The following SCAPER variants were observed in gnomAD, a reference collection of about 807,000 sequenced individuals.
The protein encoded by SCAPER is S-phase cyclin A associated protein in the ER.
Under a neutral mutation model 182.2 loss-of-function variants are expected in SCAPER, and 98 were observed. That is an observed-to-expected ratio of 0.54 (90% CI 0.46 to 0.64). The LOEUF (loss-of-function observed/expected upper bound fraction) is 0.64. Ranked by LOEUF, SCAPER falls within the 30% of genes least tolerant of loss-of-function variation. SCAPER has a pLI of 0.00. For synonymous variants in SCAPER, 605 were observed against 564.6 expected, an observed-to-expected ratio of 1.07 and a Z score of -1.01; for missense variants, 1,432 against 1,690.0, an observed-to-expected ratio of 0.85 and a Z score of 2.68.
intron 5 of SCAPER, among the ~76,000 whole-genome samples, chr15:76,828,836 A>G (rs775588746): frequency 1.3e-5 from 2 of 152,212 alleles, no homozygotes; most frequent in Non-Finnish European, 2.9e-5. Context: ...GAGCTAAAGT[A>G]TAACAGGCAA....
intron 23 of SCAPER, among the ~76,000 whole-genome samples, chr15:76,552,678 A>C (rs991299303): frequency 6.6e-6 from 1 of 152,104 alleles, no homozygotes; most frequent in African/African-American, 2.4e-5. Flanking sequence ...TCCAGCCCAT[A>C]CGCAGTCTAG....
At position 76,622,581 on chromosome 15, in the gene SCAPER, C is replaced by T. The variant is rs190751179; in HGVS notation, c.2646-752G>A. On this transcript the variant is annotated intron_variant, in intron 21 of 31. Transcript: ENST00000563290. The stretch of plus-strand genomic sequence containing the variant: ...TTTTCAACCTAAGTATGCTCATTGC[C>T]ATCAGCCTAAATATTAAGATTTTTA... Among the ~76,000 whole-genome samples the T allele has an allele frequency of 2.0e-5, 3 of 152,122 alleles. No individual in the cohort carries two copies. The East Asian group carries it at 5.8e-4, about 29-fold the overall frequency.
At chr15:76,537,748 C>T (rs2044313581) in intron 23 of SCAPER, among the ~76,000 whole-genome samples, 1 of 152,126 alleles carries the variant, frequency 6.6e-6, no homozygotes, top group Admixed American at 6.6e-5. Flanking sequence ...AGCTTCTGCA[C>T]AGCAAAACAA....
chr15:76,389,959 C>G (rs935273915), intron 27 of SCAPER, among the ~76,000 whole-genome samples: 1 of 148,046 alleles, frequency 6.8e-6, no homozygotes, highest in Non-Finnish European at 1.5e-5. Context: ...AAAGAGGAAC[C>G]TTTTTTTTTT....
At chr15:76,905,171 G>A (rs888049252) in intron 1 of SCAPER, 128 bp downstream of exon 1, 1 of 157,898 alleles carries the variant, frequency 6.3e-6, no homozygotes, top group Non-Finnish European at 1.4e-5. Context: ...CCCAGGTGAG[G>A]GGAGGGGGTG....
intron 26 of SCAPER, among the ~76,000 whole-genome samples, chr15:76,420,720 G>A (rs980303593): frequency 6.6e-6 from 1 of 152,046 alleles, no homozygotes; most frequent in Admixed American, 6.6e-5. Flanking sequence ...TGCTGCACCC[G>A]TTAACTCACC....
intron 25 of SCAPER, among the ~76,000 whole-genome samples, chr15:76,465,851 C>G (rs1338166460): frequency 2.0e-5 from 3 of 152,060 alleles, no homozygotes; most frequent in Non-Finnish European, 4.4e-5. Context: ...GTATTCCTGG[C>G]AATCTTGTCA....
intron 1 of SCAPER, among the ~76,000 whole-genome samples, chr15:76,903,040 G>A (rs1229103227): frequency 1.4e-5 from 2 of 142,976 alleles, no homozygotes; most frequent in Non-Finnish European, 3.0e-5. Context: ...CAGCCTGGGT[G>A]ACAGAGTGAG....
chr15:76,864,941 C>T (rs1390154122), intron 2 of SCAPER, among the ~76,000 whole-genome samples: 1 of 152,006 alleles, frequency 6.6e-6, no homozygotes, highest in African/African-American at 2.4e-5. Context: ...TTTCCTGAAG[C>T]ATTTGAGAAC....
chr15:76,525,257 A>AT (rs1235428399), intron 23 of SCAPER, among the ~76,000 whole-genome samples: 1 of 152,104 alleles, frequency 6.6e-6, no homozygotes, highest in Non-Finnish European at 1.5e-5. Flanking sequence ...TCCTAAACTC[A>AT]TATCTATCAT....
chr15:76,693,994 G>A (rs572991168), intron 20 of SCAPER, among the ~76,000 whole-genome samples: 1 of 151,918 alleles, frequency 6.6e-6, no homozygotes, highest in East Asian at 1.9e-4. Context: ...GGTAACTATC[G>A]CTTTGTATTT....
chr15:76,714,676 T>C (rs2059791179), intron 17 of SCAPER, among the ~76,000 whole-genome samples: 1 of 152,158 alleles, frequency 6.6e-6, no homozygotes. Flanking sequence ...TTCATCAAGA[T>C]GTACACTTAG....
chr15:76,841,680 A>G, intron 5 of SCAPER, 54 bp downstream of exon 5: 2 of 1,570,188 alleles, frequency 1.3e-6, no homozygotes, highest in Non-Finnish European at 1.7e-6. Context: ...ACATGTAGCA[A>G]AAATTCAAGA....
intron 24 of SCAPER, among the ~76,000 whole-genome samples, chr15:76,495,577 C>CAAAAAAA (rs71444987): frequency 1.8e-5 from 1 of 56,954 alleles, no homozygotes; most frequent in Non-Finnish European, 3.1e-5. Flanking sequence ...GACTTGGTCT[C>CAAAAAAA]AAAAAAAAAA....
At chr15:76,622,375 A>G (rs779523073) in intron 21 of SCAPER, among the ~76,000 whole-genome samples, 1 of 152,154 alleles carries the variant, frequency 6.6e-6, no homozygotes, top group Non-Finnish European at 1.5e-5. Context: ...CTACGAAAAA[A>G]TTACCCACAA....
At chr15:76,897,667 A>G (rs1267781861) in intron 1 of SCAPER, among the ~76,000 whole-genome samples, 1 of 152,198 alleles carries the variant, frequency 6.6e-6, no homozygotes, top group Non-Finnish European at 1.5e-5. Context: ...AGATCACGCC[A>G]CTGCACTCCA....
chr15:76,678,639 C>A (rs1425988905), intron 20 of SCAPER, among the ~76,000 whole-genome samples: 2 of 151,412 alleles, frequency 1.3e-5, no homozygotes, highest in African/African-American at 4.9e-5. Flanking sequence ...TATAGGAGGG[C>A]AGGAAAGAGA....
intron 8 of SCAPER, among the ~76,000 whole-genome samples, chr15:76,779,711 TAA>T (rs35003637): frequency 6.7e-5 from 10 of 149,186 alleles, no homozygotes; most frequent in African/African-American, 9.8e-5. Flanking sequence ...GTTACTCTGT[TAA>T]AAAAAAAAAA....
intron 22 of SCAPER, among the ~76,000 whole-genome samples, chr15:76,581,449 G>C (rs1389356992): frequency 6.6e-6 from 1 of 152,156 alleles, no homozygotes; most frequent in Admixed American, 6.5e-5. Context: ...ACATTAAAAA[G>C]ATCATTCATT....
Sources: allele counts gnomAD v4.1 joint callset (sites outside exome capture counted in the v4.1 genomes callset), GRCh38; gene constraint gnomAD v4.1.1; transcripts MANE v1.5; gene names NCBI Gene and HGNC (gene_info 2026-07-23, HGNC 2026-07-21).